AZIN2: variants seen among roughly 807,000 people sequenced by gnomAD.
The protein encoded by AZIN2 is antizyme inhibitor 2.
AZIN2 carries 28 observed loss-of-function variants against 47.8 expected under a neutral mutation model. The ratio of observed to expected loss-of-function variants is 0.59; its 90% CI spans 0.43 to 0.80. The LOEUF is 0.80. AZIN2 is among the 30% of genes least tolerant of loss of function. AZIN2 has a pLI of 0.00. For synonymous variants in AZIN2, 221 were observed against 239.4 expected, an observed-to-expected ratio of 0.92 and a Z score of 0.71; for missense variants, 535 against 582.5, an observed-to-expected ratio of 0.92 and a Z score of 0.84.
At chr1:33,143,884 A>G in the AZIN2 span, among the ~76,000 whole-genome samples, 1 of 152,252 alleles carries the variant, frequency 6.6e-6, no homozygotes, top group Non-Finnish European at 1.5e-5. Flanking sequence ...TAATTTCACA[A>G]GCCTCTGACT....
At chr1:33,093,700 T>C (rs867294086) in intron 7 of AZIN2, among the ~76,000 whole-genome samples, 4 of 151,532 alleles carry the variant, frequency 2.6e-5, no homozygotes. Flanking sequence ...GCAGCTACAC[T>C]CTTGAGGGGC....
At chr1:33,096,503 C>T (rs1216039970) in intron 8 of AZIN2, among the ~76,000 whole-genome samples, 3 of 152,184 alleles carry the variant, frequency 2.0e-5, no homozygotes, top group South Asian at 4.1e-4. Flanking sequence ...TTTACACAAG[C>T]ACGAGGCTCT....
At chr1:33,148,337 A>C in the AZIN2 span, among the ~76,000 whole-genome samples, 4 of 152,214 alleles carry the variant, frequency 2.6e-5, no homozygotes, top group African/African-American at 9.6e-5. Context: ...TATAAACATG[A>C]AATTTTTTTT....
chr1:33,161,656 C>A, the AZIN2 span, among the ~76,000 whole-genome samples: 1 of 152,112 alleles, frequency 6.6e-6, no homozygotes, highest in East Asian at 1.9e-4. This position sits in a 1 kb window ranked among gnomAD's most constrained non-coding sequence, Gnocchi z 4.3. Context: ...CCCCCTCACC[C>A]GGGGAGGGTG....
chr1:33,165,337 T>A, the AZIN2 span: 1 of 754,206 alleles, frequency 1.3e-6, no homozygotes, highest in Non-Finnish European at 2.1e-6. This position sits in a 1 kb window ranked among gnomAD's most constrained non-coding sequence, Gnocchi z 4.0. Flanking sequence ...CCCTTCTCAC[T>A]CCAGGTTTGG....
chr1:33,155,363 G>C, the AZIN2 span, among the ~76,000 whole-genome samples: 3 of 152,036 alleles, frequency 2.0e-5, no homozygotes, highest in Admixed American at 6.5e-5. Flanking sequence ...GAGCCACCAT[G>C]CCCGGCCTCC....
the AZIN2 span, among the ~76,000 whole-genome samples, chr1:33,141,437 GA>G: frequency 6.6e-6 from 1 of 152,214 alleles, no homozygotes; most frequent in African/African-American, 2.4e-5. Context: ...TGTGGAGCTA[GA>G]AACTAACCCT....
intron 10 of AZIN2, among the ~76,000 whole-genome samples, chr1:33,109,298 G>A (rs752673101): frequency 2.0e-5 from 3 of 150,608 alleles, no homozygotes; most frequent in Non-Finnish European, 4.4e-5. Flanking sequence ...CCCAGTCTGT[G>A]GCTTGTCTTC....
chr1:33,161,590 AG>A, the AZIN2 span, among the ~76,000 whole-genome samples: 2 of 151,926 alleles, frequency 1.3e-5, no homozygotes, highest in East Asian at 3.9e-4. This position sits in a 1 kb window ranked among gnomAD's most constrained non-coding sequence, Gnocchi z 4.3. Context: ...AGGCAGACAA[AG>A]GGGGGCGGAC....
chr1:33,090,453 G>T (rs183099214), intron 5 of AZIN2, among the ~76,000 whole-genome samples: 19 of 152,270 alleles, frequency 1.2e-4, no homozygotes, highest in Non-Finnish European at 2.5e-4. Context: ...GGCTGAGCCC[G>T]CACACCCTGC....
the AZIN2 span, among the ~76,000 whole-genome samples, chr1:33,152,843 A>AG: frequency 6.6e-6 from 1 of 152,128 alleles, no homozygotes; most frequent in African/African-American, 2.4e-5. Context: ...TCAGATTAGC[A>AG]GGGGGCGGGG....
At chr1:33,101,971 A>C in intron 10 of AZIN2, 1 of 724,314 alleles carries the variant, frequency 1.4e-6, no homozygotes, top group South Asian at 1.5e-5. Flanking sequence ...GGTTTTTGCT[A>C]CTGTGAATAC....
the AZIN2 span, among the ~76,000 whole-genome samples, chr1:33,129,116 A>T: frequency 1.3e-5 from 2 of 152,188 alleles, no homozygotes; most frequent in African/African-American, 2.4e-5. This position sits in a 1 kb window ranked among gnomAD's most constrained non-coding sequence, Gnocchi z 4.1. Flanking sequence ...GATGATTCAG[A>T]GCCCTTTCTG....
chr1:33,124,102 G>C (rs1193096579), downstream of AZIN2, among the ~76,000 whole-genome samples: 1 of 152,162 alleles, frequency 6.6e-6, no homozygotes, highest in African/African-American at 2.4e-5. The surrounding 1 kb of genome is among the most constrained non-coding windows in gnomAD (Gnocchi z 4.6). Flanking sequence ...GGAGGCGGAG[G>C]TTGCATTGAG....
chr1:33,096,344 G>A (rs370039575), intron 8 of AZIN2, among the ~76,000 whole-genome samples: 3 of 152,244 alleles, frequency 2.0e-5, no homozygotes, highest in East Asian at 1.9e-4. Flanking sequence ...GGACCCACAC[G>A]GTTCAAACCT....
the AZIN2 span, chr1:33,158,425 C>A: frequency 6.7e-7 from 1 of 1,503,592 alleles, no homozygotes; most frequent in Non-Finnish European, 9.2e-7. Context: ...GCCCCAATGC[C>A]AGGGGCCCCG....
Position 33,082,381 on chromosome 1 carries a change from C to T in AZIN2, c.105+27C>T, listed in dbSNP as rs1387731760. The T allele has an allele frequency of 3.2e-6, 5 of 1,573,848 alleles. No individual in the cohort carries two copies. In the East Asian group the frequency reaches 9.0e-5, roughly 28 times the overall value. ...TGAGGGGCTGGGAATGGGGGTGGGT[C>T]CCCGGTCCCCTGTACAGATCAGCTG... On this transcript the variant is annotated intron_variant, in intron 4 of 11. Coordinates refer to ENST00000294517, the MANE Select transcript of AZIN2 (RefSeq NM_052998.4).
At position 33,121,102 on chromosome 1, in the gene AZIN2, C is replaced by T. The variant is rs563610789; in HGVS notation, c.*920C>T. 2.2e-4 allele frequency among the ~76,000 whole-genome samples: 34 copies of T among 152,310 alleles called. No individual in the cohort carries two copies. The highest frequency in any genetic ancestry group is 7.9e-4 in the African/African-American group (33 of 41,562). ...GCAGTGCTTATCAGGACAAAGGCTC[C>T]TTCACACTGCCGGGTTCCCAAATTA... On this transcript the variant is annotated 3_prime_UTR_variant, in exon 12 of 12. Coordinates refer to ENST00000294517, the MANE Select transcript of AZIN2 (RefSeq NM_052998.4).
At chr1:33,159,967 G>A in the AZIN2 span, 82 of 1,591,852 alleles carry the variant, frequency 5.2e-5, no homozygotes, top group Non-Finnish European at 6.7e-5. This position sits in a 1 kb window ranked among gnomAD's most constrained non-coding sequence, Gnocchi z 4.2. Context: ...GTCGTCAGGG[G>A]TTATGGCTGG....
Sources: allele counts gnomAD v4.1 joint callset (sites outside exome capture counted in the v4.1 genomes callset), GRCh38; gene constraint gnomAD v4.1.1; non-coding constraint Gnocchi (gnomAD v3.1); transcripts MANE v1.5; gene names NCBI Gene and HGNC (gene_info 2026-07-23, HGNC 2026-07-21).